Variants in CCDC50 observed in about 807,000 individuals in gnomAD.
CCDC50 encodes coiled-coil domain-containing protein 50.
CCDC50 carries 54 observed loss-of-function variants against 70.2 expected under a neutral mutation model. That is an observed-to-expected ratio of 0.77 (90% CI 0.62 to 0.96). The LOEUF is 0.96. Ranked by LOEUF, CCDC50 falls within the 50% of genes least tolerant of loss-of-function variation. The pLI is 0.00. For missense variants in CCDC50, 558 were observed against 578.7 expected (o/e 0.96, Z 0.37); for synonymous variants, 216 against 198.8 (o/e 1.09, Z -0.73).
At chr3:191,391,587 A>G (rs1291604191) in intron 11 of CCDC50, among the ~76,000 whole-genome samples, 154 bp from the exon 12 acceptor site, 3 of 152,238 alleles carry the variant, frequency 2.0e-5, no homozygotes, top group Non-Finnish European at 2.9e-5. Flanking sequence ...ATACTAAACT[A>G]ACACATTGAT....
At position 191,380,816 on chromosome 3, in the gene CCDC50, T is replaced by G. The variant is rs1483415286; in HGVS notation, c.1138-12T>G. 3 of 1,612,340 alleles carry G rather than the reference T, an allele frequency of 1.9e-6. No individual in the cohort carries two copies. In the South Asian group the frequency reaches 3.3e-5, roughly 18 times the overall value. ...CCTCTGCAGTTAATGATATTGACTGTATTTTGTTTAGGAAATCGCTCGACT... is the reference window on the plus strand; with the variant it reads ...CCTCTGCAGTTAATGATATTGACTGGATTTTGTTTAGGAAATCGCTCGACT... On this transcript the variant is annotated splice_polypyrimidine_tract_variant and intron_variant, in intron 8 of 11. Coordinates refer to ENST00000392455, the MANE Select transcript of CCDC50 (RefSeq NM_178335.3).
At chr3:191,337,047 A>G (rs1473452637) in intron 1 of CCDC50, among the ~76,000 whole-genome samples, 1 of 151,754 alleles carries the variant, frequency 6.6e-6, no homozygotes, top group Non-Finnish European at 1.5e-5. Context: ...GAACATAGCC[A>G]TACTTATTCA....
At chr3:191,365,919 CT>C (rs1228986055) in intron 4 of CCDC50, among the ~76,000 whole-genome samples, 2 of 152,136 alleles carry the variant, frequency 1.3e-5, no homozygotes, top group African/African-American at 4.8e-5. Context: ...TGAGCATTTT[CT>C]TTGAGCATCA....
At chr3:191,379,665 T>TA (rs1269743131) in intron 6 of CCDC50, among the ~76,000 whole-genome samples, 1 of 152,126 alleles carries the variant, frequency 6.6e-6, no homozygotes, top group East Asian at 1.9e-4. Context: ...TCACAGGTAT[T>TA]ATCACATGAC....
In CCDC50 at chr3:191,397,667, C is replaced by A. The variant is rs909704612; in HGVS notation, c.*5907C>A. 6.9e-6 allele frequency: 1 copy of A among 144,692 alleles called. No individual in the cohort carries two copies. Among genetic ancestry groups the A allele is most frequent in the African/African-American group, 2.8e-5 (1 of 35,146 alleles). 9.0% of individuals were successfully genotyped at this position (144,692 alleles called of 1,614,324 possible). On this transcript the variant is annotated 3_prime_UTR_variant, in exon 12 of 12. Coordinates refer to ENST00000392455, the MANE Select transcript of CCDC50 (RefSeq NM_178335.3). ...TATCATTTGTCTCATAATTTAGAAACGTGATCTCTTGAGAGAGAGACTACG... is the reference window on the plus strand; with the variant it reads ...TATCATTTGTCTCATAATTTAGAAAAGTGATCTCTTGAGAGAGAGACTACG...
chr3:191,335,647 C>T (rs867570018), intron 1 of CCDC50, among the ~76,000 whole-genome samples: 10 of 151,844 alleles, frequency 6.6e-5, no homozygotes, highest in Non-Finnish European at 1.3e-4. Flanking sequence ...AGTGTGTGTG[C>T]ATAGGATAGT....
intron 4 of CCDC50, among the ~76,000 whole-genome samples, chr3:191,369,112 T>C (rs141231410): frequency 7.1e-6 from 1 of 140,124 alleles, no homozygotes; most frequent in East Asian, 2.0e-4. Context: ...AAAATGTTCA[T>C]AACTCTGCTG....
intron 3 of CCDC50, 50 bp downstream of exon 3, chr3:191,358,174 G>A: frequency 6.2e-7 from 1 of 1,611,062 alleles, no homozygotes; most frequent in Non-Finnish European, 8.5e-7. Flanking sequence ...TTTTCTCTGT[G>A]GAGCTAGCAA....
At chr3:191,337,596 G>A (rs989233848) in intron 1 of CCDC50, among the ~76,000 whole-genome samples, 3 of 151,792 alleles carry the variant, frequency 2.0e-5, no homozygotes, top group African/African-American at 7.3e-5. Context: ...GCCCATCTCG[G>A]CCTCCCAAAG....
chr3:191,353,840 A>G lies in CCDC50; in HGVS notation c.50-3248A>G, dbSNP rs1421037756. 5.1e-5 allele frequency among the ~76,000 whole-genome samples: 5 copies of G among 98,396 alleles called. 1 individual carries two copies. Among genetic ancestry groups the G allele is most frequent in the Admixed American group, 1.1e-4 (1 of 9,232 alleles). 64.6% of individuals were successfully genotyped at this position (98,396 alleles called of 152,430 possible). A position where few individuals can be genotyped will look rare whatever the true frequency, so the allele number is the denominator to read the frequency against. On this transcript the variant is annotated intron_variant, in intron 1 of 11. Coordinates refer to ENST00000392455, the MANE Select transcript of CCDC50 (RefSeq NM_178335.3). The stretch of plus-strand genomic sequence containing the variant: ...ACTCTCTGTGTGTATGTGTTCATGT[A>G]CTTCCTCATAATCATTGAAAATCTT...
chr3:191,365,061 T>C (rs115323149), intron 4 of CCDC50, among the ~76,000 whole-genome samples: 1,680 of 150,258 alleles, frequency 0.011, 26 homozygotes, highest in African/African-American at 0.039. Context: ...ACTCTAAAAG[T>C]GTGTGTGTAC....
At chr3:191,382,854 G>A (rs569091842) in intron 10 of CCDC50, 29 bp downstream of exon 10, 49 of 1,516,284 alleles carry the variant, frequency 3.2e-5, no homozygotes, top group Non-Finnish European at 4.3e-5. Flanking sequence ...AGAAAAATGA[G>A]GAAGTTGACT....
In CCDC50 at chr3:191,396,932, A is replaced by G. The variant is rs544434283; in HGVS notation, c.*5172A>G. 6.6e-6 allele frequency: 1 copy of G among 152,346 alleles called. No individual in the cohort carries two copies. Among genetic ancestry groups the G allele is most frequent in the East Asian group, 1.9e-4 (1 of 5,192 alleles). The allele number at this position is 152,346 out of a possible 1,614,324, so 9.4% of individuals were successfully genotyped here. The stretch of plus-strand genomic sequence containing the variant: ...GCCTAGTAACATTTTAATAGATTTA[A>G]GATGCATTTGTACATTCTCAGCAAA... On this transcript the variant is annotated 3_prime_UTR_variant, in exon 12 of 12. Coordinates refer to ENST00000392455, the MANE Select transcript of CCDC50 (RefSeq NM_178335.3).
intron 1 of CCDC50, among the ~76,000 whole-genome samples, chr3:191,338,996 C>T (rs529026934): frequency 1.0e-3 from 154 of 152,174 alleles, no homozygotes; most frequent in African/African-American, 3.6e-3. Flanking sequence ...GTGCTATTTT[C>T]TCTTTTAAAT....
In CCDC50 at chr3:191,395,801, CAT is replaced by C. The variant is rs1713842192; in HGVS notation, c.*4043_*4044del. 6.6e-6 allele frequency: 1 copy of C among 152,148 alleles called. No homozygotes were observed. Among genetic ancestry groups the C allele is most frequent in the South Asian group, 2.1e-4 (1 of 4,830 alleles). 9.4% of individuals were successfully genotyped at this position (152,148 alleles called of 1,614,324 possible). A position where few individuals can be genotyped will look rare whatever the true frequency, so the allele number is the denominator to read the frequency against. ...ATTACTTTGTCTATTACTTACTGCT[CAT>C]AGAGAAGTGACTATATAAAATGGTC... is the stretch of plus-strand genomic sequence containing the variant. On this transcript the variant is annotated 3_prime_UTR_variant, in exon 12 of 12. Transcript: ENST00000392455.
At chr3:191,355,194 C>T (rs1712237444) in intron 1 of CCDC50, among the ~76,000 whole-genome samples, 1 of 152,026 alleles carries the variant, frequency 6.6e-6, no homozygotes, top group Non-Finnish European at 1.5e-5. Context: ...CATAATTAAT[C>T]TAAAATTAAG....
rs545507680 is a variant in CCDC50, at chr3:191,396,946, A to C, written c.*5186A>C. The C allele has an allele frequency of 2.0e-5, 3 of 152,238 alleles. No individual in the cohort carries two copies. Among genetic ancestry groups the C allele is most frequent in the Non-Finnish European group, 2.9e-5 (2 of 68,032 alleles). The allele number at this position is 152,238 out of a possible 1,614,324, so 9.4% of individuals were successfully genotyped here. A position where few individuals can be genotyped will look rare whatever the true frequency, so the allele number is the denominator to read the frequency against. On this transcript the variant is annotated 3_prime_UTR_variant, in exon 12 of 12. Transcript: ENST00000392455. Reference sequence around the variant, plus strand: ...TAATAGATTTAAGATGCATTTGTACATTCTCAGCAAACTAGAAGAAAATGT... The same window carrying C: ...TAATAGATTTAAGATGCATTTGTACCTTCTCAGCAAACTAGAAGAAAATGT...
intron 4 of CCDC50, among the ~76,000 whole-genome samples, chr3:191,367,432 AAATGTTAAAATGAATCTCTTTTCTCCG>A (rs1210092862): frequency 2.6e-5 from 4 of 152,004 alleles, no homozygotes; most frequent in South Asian, 2.1e-4. Context: ...TCTTTTCTCC[AAATGTTAAAATGAATCTCTTTTCTCCG>A]AATGTTAAAA....
At chr3:191,374,962 C>T (rs1393413973) in intron 5 of CCDC50, 100 bp from the exon 6 acceptor site, 16 of 1,213,842 alleles carry the variant, frequency 1.3e-5, no homozygotes, top group Admixed American at 3.8e-5. Flanking sequence ...TTTTAAAGTA[C>T]GTTAAACTGG....
Sources: gnomAD v4.1 joint callset for allele counts (sites outside exome capture counted in the v4.1 genomes callset) on GRCh38, gnomAD v4.1.1 for gene constraint, MANE v1.5 for transcripts, NCBI Gene and HGNC (gene_info 2026-07-23, HGNC 2026-07-21) for gene names.